XIRP2: variants seen among roughly 807,000 people sequenced by gnomAD.
XIRP2 encodes xin actin binding repeat containing 2.
XIRP2 carries 236 observed loss-of-function variants against 277.0 expected under a neutral mutation model. That is an observed-to-expected ratio of 0.85 (90% CI 0.77 to 0.95). The LOEUF is 0.95. Ranked by LOEUF, XIRP2 falls within the 40% of genes least tolerant of loss-of-function variation. XIRP2 has a pLI of 0.00. For missense variants in XIRP2, 4,640 were observed against 4,157.5 expected (o/e 1.12, Z -3.19); for synonymous variants, 1,490 against 1,416.5 (o/e 1.05, Z -1.17).
At chr2:166,907,372 G>T (rs1684551265) in intron 2 of XIRP2, among the ~76,000 whole-genome samples, 1 of 152,188 alleles carries the variant, frequency 6.6e-6, no homozygotes, top group African/African-American at 2.4e-5. Flanking sequence ...AGCATTTGCT[G>T]TGTAACAAAC....
chr2:167,005,942 T>C (rs1343332330), intron 2 of XIRP2, among the ~76,000 whole-genome samples: 1 of 151,812 alleles, frequency 6.6e-6, no homozygotes. Context: ...CAAATCTGTT[T>C]GGTCTGATGC....
At chr2:167,088,486 C>T (rs1007889584) in intron 2 of XIRP2, among the ~76,000 whole-genome samples, 1 of 152,148 alleles carries the variant, frequency 6.6e-6, no homozygotes, top group South Asian at 2.1e-4. Flanking sequence ...ACCTATTCTC[C>T]ACATTACAGC....
chr2:167,214,093 AGAAG>A (rs776926324), intron 4 of XIRP2, among the ~76,000 whole-genome samples: 3,242 of 64,260 alleles, frequency 0.05, 109 homozygotes, highest in African/African-American at 0.077. Flanking sequence ...GAAGAAAGAA[AGAAG>A]GAAGGAAGGA....
chr2:167,252,832 A>G (rs938197348), intron 9 of XIRP2, among the ~76,000 whole-genome samples: 13 of 151,988 alleles, frequency 8.6e-5, no homozygotes, highest in African/African-American at 2.9e-4. Flanking sequence ...GCTGAAACTA[A>G]TAATTATGCC....
At chr2:166,906,619 C>T (rs1202874101) in intron 2 of XIRP2, among the ~76,000 whole-genome samples, 1 of 151,972 alleles carries the variant, frequency 6.6e-6, no homozygotes, top group Non-Finnish European at 1.5e-5. Context: ...TTTGGTCAGA[C>T]AAACATTTAT....
intron 2 of XIRP2, among the ~76,000 whole-genome samples, chr2:167,075,873 G>T (rs1386674414): frequency 6.7e-6 from 1 of 150,062 alleles, no homozygotes; most frequent in Non-Finnish European, 1.5e-5. Flanking sequence ...GGTGGGTTTC[G>T]CCATGTTGGC....
At chr2:167,093,731 G>A (rs1346494278) in intron 2 of XIRP2, among the ~76,000 whole-genome samples, 1 of 152,106 alleles carries the variant, frequency 6.6e-6, no homozygotes, top group East Asian at 1.9e-4. Flanking sequence ...GGGCATTTGG[G>A]TTGGTTCCAA....
chr2:166,952,104 G>A (rs557455073), intron 2 of XIRP2, among the ~76,000 whole-genome samples: 18 of 152,076 alleles, frequency 1.2e-4, no homozygotes, highest in African/African-American at 3.6e-4. Flanking sequence ...GTATAAGCAC[G>A]CTTATCAGTT....
chr2:167,210,660 C>T, intron 3 of XIRP2, 75 bp from the exon 4 acceptor site: 2 of 1,538,648 alleles, frequency 1.3e-6, no homozygotes, highest in Non-Finnish European at 1.8e-6. Context: ...TTAAATGCTT[C>T]ACCATTTATA....
chr2:166,957,772 A>G (rs1686199410), intron 2 of XIRP2, among the ~76,000 whole-genome samples: 1 of 151,786 alleles, frequency 6.6e-6, no homozygotes. Context: ...CATATGAGTG[A>G]TTTAGGTTCA....
chr2:167,006,436 G>A (rs564713053), intron 2 of XIRP2, among the ~76,000 whole-genome samples: 7 of 151,738 alleles, frequency 4.6e-5, no homozygotes, highest in Admixed American at 6.6e-5. Context: ...ACAAAGAACC[G>A]TGGCATTATC....
intron 2 of XIRP2, among the ~76,000 whole-genome samples, chr2:166,913,074 C>G (rs1047420007): frequency 1.3e-5 from 2 of 151,850 alleles, no homozygotes; most frequent in Admixed American, 6.5e-5. Flanking sequence ...AGGAGGCAGT[C>G]TATCCATTCT....
intron 2 of XIRP2, among the ~76,000 whole-genome samples, chr2:167,126,220 C>T (rs6432973): frequency 0.25 from 37,234 of 151,806 alleles, 6,343 homozygotes; most frequent in African/African-American, 0.48. Context: ...CTCTCTTTCT[C>T]TGCCACCTTG....
chr2:167,101,127 A>G (rs973379746), intron 2 of XIRP2, among the ~76,000 whole-genome samples: 7 of 152,206 alleles, frequency 4.6e-5, no homozygotes, highest in African/African-American at 1.7e-4. Flanking sequence ...AGTGTAATTC[A>G]AGTACTATGA....
chr2:167,089,003 C>A (rs1379736196), intron 2 of XIRP2, among the ~76,000 whole-genome samples: 2 of 152,090 alleles, frequency 1.3e-5, no homozygotes, highest in African/African-American at 4.8e-5. Flanking sequence ...TAGCACTCAA[C>A]AAATGTTTGG....
At chr2:167,083,602 T>C (rs2105265213) in intron 2 of XIRP2, among the ~76,000 whole-genome samples, 1 of 152,342 alleles carries the variant, frequency 6.6e-6, no homozygotes, top group Admixed American at 6.5e-5. Flanking sequence ...CATTTGTTTG[T>C]ATCCTCTTTT....
chr2:167,144,187 AAC>A (rs888144551), intron 3 of XIRP2, among the ~76,000 whole-genome samples: 12 of 152,178 alleles, frequency 7.9e-5, no homozygotes, highest in Admixed American at 3.9e-4. Context: ...AGATAATAAT[AAC>A]ACATAAACTT....
intron 3 of XIRP2, among the ~76,000 whole-genome samples, chr2:167,137,955 T>C (rs1351041115): frequency 6.6e-6 from 1 of 152,200 alleles, no homozygotes; most frequent in Non-Finnish European, 1.5e-5. Context: ...ACTATTTTAA[T>C]ACTTAATTTA....
Position 167,243,534 on chromosome 2 carries a change from T to G in XIRP2, c.2142T>G (p.His714Gln). 1 of 1,614,044 alleles carries G rather than the reference T, an allele frequency of 6.2e-7. No homozygotes were observed. Among genetic ancestry groups the G allele is most frequent in the Non-Finnish European group, 8.5e-7 (1 of 1,179,988 alleles). The change falls in exon 9 of 11, where the codon CAT (histidine) becomes CAG (glutamine). Residue 714 changes from histidine to glutamine, a missense_variant. Coordinates refer to ENST00000409195, the MANE Select transcript of XIRP2 (RefSeq NM_152381.6). ...AGCTTCATTCAGTGGATGAGGTTCATTTACTGCAGCTTAGGTCTGAGCTCA... is the reference window on the plus strand; with the variant it reads ...AGCTTCATTCAGTGGATGAGGTTCAGTTACTGCAGCTTAGGTCTGAGCTCA... ...LGQLHSVDEVHLLQLRSELKE... is the reference protein window; with the variant it reads ...LGQLHSVDEVQLLQLRSELKE...
Sources: gnomAD v4.1 joint callset for allele counts (sites outside exome capture counted in the v4.1 genomes callset) on GRCh38, gnomAD v4.1.1 for gene constraint, MANE v1.5 for transcripts, NCBI Gene and HGNC (gene_info 2026-07-23, HGNC 2026-07-21) for gene names.